Variants in QTMAN observed in about 807,000 individuals in gnomAD.
The protein encoded by QTMAN is queuosine-tRNA mannosyltransferase, also known as tRNA-queuosine alpha-mannosyltransferase.
the QTMAN span, among the ~76,000 whole-genome samples, chr2:144,199,421 T>C: frequency 6.6e-6 from 1 of 152,168 alleles, no homozygotes; most frequent in East Asian, 1.9e-4. Context: ...TACAGTAATA[T>C]CATGAGTATA....
the QTMAN span, chr2:143,939,056 CCCTTCT>C: frequency 6.6e-6 from 1 of 152,198 alleles, no homozygotes; most frequent in Non-Finnish European, 1.5e-5. Context: ...ATCCCCCTTC[CCCTTCT>C]AATACCTATT....
At chr2:144,104,394 G>A in the QTMAN span, among the ~76,000 whole-genome samples, 2,081 of 152,260 alleles carry the variant, frequency 0.014, 46 homozygotes, top group African/African-American at 0.046. Context: ...CTGGAAAATC[G>A]GGTCACTCCC....
chr2:143,964,299 A>T, the QTMAN span: 1 of 152,086 alleles, frequency 6.6e-6, no homozygotes, highest in African/African-American at 2.4e-5. Context: ...GAATAATGAT[A>T]AAAAAATTAT....
At chr2:144,033,702 T>C in the QTMAN span, among the ~76,000 whole-genome samples, 1 of 152,152 alleles carries the variant, frequency 6.6e-6, no homozygotes, top group Admixed American at 6.5e-5. Context: ...AATCACATGG[T>C]TGGTCCCTCG....
At chr2:144,203,025 A>G in the QTMAN span, among the ~76,000 whole-genome samples, 1 of 152,174 alleles carries the variant, frequency 6.6e-6, no homozygotes, top group Non-Finnish European at 1.5e-5. Flanking sequence ...TTCCCCTTCT[A>G]ACTGGAATAT....
At chr2:144,125,612 G>A in the QTMAN span, among the ~76,000 whole-genome samples, 1 of 151,946 alleles carries the variant, frequency 6.6e-6, no homozygotes, top group East Asian at 1.9e-4. Context: ...GAATCTTTCA[G>A]GATGAAAGTG....
the QTMAN span, chr2:144,145,772 C>G: frequency 6.3e-7 from 1 of 1,575,210 alleles, no homozygotes; most frequent in Middle Eastern, 1.7e-4. Flanking sequence ...TTTACTGTCC[C>G]AAGTATGTTT....
the QTMAN span, among the ~76,000 whole-genome samples, chr2:144,076,614 G>T: frequency 6.6e-6 from 1 of 152,120 alleles, no homozygotes; most frequent in South Asian, 2.1e-4. Flanking sequence ...CACTTAATAG[G>T]TGAAAACAAC....
At chr2:144,045,452 G>A in the QTMAN span, among the ~76,000 whole-genome samples, 5 of 152,230 alleles carry the variant, frequency 3.3e-5, no homozygotes, top group African/African-American at 9.6e-5. Context: ...GAATCCAGAT[G>A]TAGTCCATTT....
the QTMAN span, among the ~76,000 whole-genome samples, chr2:144,103,779 A>G: frequency 4.3e-4 from 65 of 152,352 alleles, no homozygotes; most frequent in Middle Eastern, 3.4e-3. Context: ...ATTAATATAC[A>G]GTTAGGTCTT....
chr2:144,197,252 A>C, the QTMAN span, among the ~76,000 whole-genome samples: 1 of 151,868 alleles, frequency 6.6e-6, no homozygotes, highest in African/African-American at 2.4e-5. Context: ...TGCACATGCA[A>C]TCTATCGTTG....
the QTMAN span, among the ~76,000 whole-genome samples, chr2:144,170,656 C>G: frequency 5.9e-5 from 9 of 151,894 alleles, no homozygotes; most frequent in Non-Finnish European, 1.2e-4. Context: ...TGTGTGTTAC[C>G]CAAACCTCCT....
At chr2:144,263,893 G>A in the QTMAN span, among the ~76,000 whole-genome samples, 61 of 152,158 alleles carry the variant, frequency 4.0e-4, 1 homozygote, top group Middle Eastern at 0.01. Flanking sequence ...AAGCTACCTA[G>A]AGAGAAAAGA....
At chr2:144,133,525 TA>T in the QTMAN span, among the ~76,000 whole-genome samples, 2 of 95,460 alleles carry the variant, frequency 2.1e-5, no homozygotes, top group African/African-American at 8.2e-5. Flanking sequence ...TATATATAAA[TA>T]AATATATATA....
At chr2:143,950,782 G>A in the QTMAN span, among the ~76,000 whole-genome samples, 14 of 151,520 alleles carry the variant, frequency 9.2e-5, no homozygotes, top group East Asian at 2.5e-3. Context: ...AAATATTGAG[G>A]TAAATCTTGA....
the QTMAN span, among the ~76,000 whole-genome samples, chr2:144,228,522 C>T: frequency 6.6e-6 from 1 of 152,018 alleles, no homozygotes; most frequent in African/African-American, 2.4e-5. Flanking sequence ...ATATATAATA[C>T]ACACATATAA....
chr2:143,984,036 A>C, the QTMAN span, among the ~76,000 whole-genome samples: 1 of 152,196 alleles, frequency 6.6e-6, no homozygotes, highest in Non-Finnish European at 1.5e-5. Context: ...AGTCACCCTC[A>C]TATTAATCAT....
the QTMAN span, among the ~76,000 whole-genome samples, chr2:144,107,602 G>T: frequency 1.3e-5 from 2 of 152,118 alleles, no homozygotes; most frequent in Non-Finnish European, 2.9e-5. Flanking sequence ...TGAAATTGAG[G>T]CAATAATTCA....
At chr2:143,996,387 G>A in the QTMAN span, among the ~76,000 whole-genome samples, 1 of 152,080 alleles carries the variant, frequency 6.6e-6, no homozygotes, top group Non-Finnish European at 1.5e-5. Flanking sequence ...CAGCAATACA[G>A]GCTGGAAAAT....
Sources: allele counts gnomAD v4.1 joint callset (sites outside exome capture counted in the v4.1 genomes callset), GRCh38; gene constraint gnomAD v4.1.1; transcripts MANE v1.5; gene names NCBI Gene and HGNC (gene_info 2026-07-23, HGNC 2026-07-21).